PCDH15: variants seen among roughly 807,000 people sequenced by gnomAD.
PCDH15 encodes the protein protocadherin related 15.
PCDH15 carries 129 observed loss-of-function variants against 178.5 expected under a neutral mutation model. The observed-to-expected ratio is 0.72, with a 90% CI of 0.63 to 0.84. The LOEUF (loss-of-function observed/expected upper bound fraction) is 0.84. Ranked by LOEUF, PCDH15 falls within the 40% of genes least tolerant of loss-of-function variation. The pLI, the probability that PCDH15 is intolerant of heterozygous loss-of-function variation, is 0.00. For synonymous variants in PCDH15, 800 were observed against 732.0 expected (o/e 1.09, Z -1.50); for missense variants, 2,230 against 2,099.9 (o/e 1.06, Z -1.21).
At chr10:54,052,915 AG>A (rs1282988547) in intron 18 of PCDH15, among the ~76,000 whole-genome samples, 2 of 152,182 alleles carry the variant, frequency 1.3e-5, no homozygotes, top group Non-Finnish European at 2.9e-5. Context: ...TGGTTTTCTA[AG>A]GAGCTTTTCC....
intron 2 of PCDH15, among the ~76,000 whole-genome samples, chr10:54,551,740 A>C (rs2086641693): frequency 6.6e-6 from 1 of 152,006 alleles, no homozygotes; most frequent in Non-Finnish European, 1.5e-5. Flanking sequence ...TCATCTCTAA[A>C]TTTAGGAATC....
intron 1 of PCDH15, among the ~76,000 whole-genome samples, chr10:54,681,674 A>G (rs972780279): frequency 1.3e-5 from 2 of 152,100 alleles, no homozygotes; most frequent in South Asian, 2.1e-4. Flanking sequence ...AAGAAAATAG[A>G]GTTCATATAA....
chr10:54,778,542 C>T (rs1949948192), intron 1 of PCDH15, among the ~76,000 whole-genome samples: 1 of 152,040 alleles, frequency 6.6e-6, no homozygotes, highest in Admixed American at 6.6e-5. Flanking sequence ...AGTCAGGTTT[C>T]ATTTAATTTA....
intron 15 of PCDH15, among the ~76,000 whole-genome samples, chr10:54,127,092 A>G: frequency 6.6e-6 from 1 of 152,176 alleles, no homozygotes; most frequent in East Asian, 1.9e-4. Flanking sequence ...CATAAATAAG[A>G]AAGTAGCAGC....
intron 8 of PCDH15, among the ~76,000 whole-genome samples, chr10:54,271,786 G>A (rs1207185551): frequency 1.3e-5 from 2 of 151,776 alleles, no homozygotes; most frequent in Non-Finnish European, 2.9e-5. Flanking sequence ...AAACCTAACT[G>A]GAAGGGATAA....
At chr10:54,375,625 T>G (rs910644828) in intron 4 of PCDH15, among the ~76,000 whole-genome samples, 1 of 151,372 alleles carries the variant, frequency 6.6e-6, no homozygotes, top group Admixed American at 6.6e-5. Context: ...CAGTGGAAAA[T>G]TTTCTATAAA....
chr10:54,991,109 A>G (rs932668319), intron 2 of PCDH15, among the ~76,000 whole-genome samples: 7 of 152,156 alleles, frequency 4.6e-5, no homozygotes, highest in African/African-American at 9.6e-5. Flanking sequence ...ATTGGACATG[A>G]TTTTGAAAGA....
chr10:54,818,952 C>T (rs796615307), intron 3 of PCDH15, among the ~76,000 whole-genome samples: 3 of 151,772 alleles, frequency 2.0e-5, no homozygotes, highest in Admixed American at 6.6e-5. Flanking sequence ...AGAGACAGGG[C>T]GTCATTTTGT....
intron 2 of PCDH15, among the ~76,000 whole-genome samples, chr10:55,145,318 C>G (rs1385616559): frequency 6.6e-6 from 1 of 151,918 alleles, no homozygotes; most frequent in Non-Finnish European, 1.5e-5. Flanking sequence ...ACAGGCTATG[C>G]TCAGAAAGAA....
intron 2 of PCDH15, among the ~76,000 whole-genome samples, chr10:55,411,000 CTATTT>C (rs568792665): frequency 1.1e-3 from 160 of 151,930 alleles, no homozygotes; most frequent in Admixed American, 3.4e-3. Flanking sequence ...TGAATACTTA[CTATTT>C]TATAAGCAAT....
In PCDH15 at chr10:54,500,767, T is replaced by G. The variant is rs192231744; in HGVS notation, c.157+27045A>C. Among the ~76,000 whole-genome samples the G allele has an allele frequency of 2.0e-5, 3 of 152,012 alleles. No individual in the cohort carries two copies. In the East Asian group the frequency reaches 5.8e-4, roughly 30 times the overall value. On this transcript the variant is annotated intron_variant, in intron 3 of 37. Coordinates refer to ENST00000644397, the MANE Select transcript of PCDH15 (RefSeq NM_001384140.1). ...ATCACTTGAACCCAGGCAAGAGAGG[T>G]TGCTGAGATCATGCCACTGCACTCC... is the stretch of plus-strand genomic sequence containing the variant.
At chr10:54,621,469 C>T (rs1406428379) in intron 2 of PCDH15, among the ~76,000 whole-genome samples, 1 of 151,868 alleles carries the variant, frequency 6.6e-6, no homozygotes, top group Non-Finnish European at 1.5e-5. Flanking sequence ...CTTGGAGTCC[C>T]GTTGTTCTGA....
intron 2 of PCDH15, among the ~76,000 whole-genome samples, chr10:55,422,829 G>A (rs1026938865): frequency 2.6e-5 from 4 of 151,778 alleles, no homozygotes; most frequent in Admixed American, 6.6e-5. Flanking sequence ...ACATTAATAA[G>A]TTTATTTTAT....
chr10:54,094,533 G>A (rs181177292), intron 15 of PCDH15, among the ~76,000 whole-genome samples: 78 of 152,230 alleles, frequency 5.1e-4, no homozygotes, highest in Admixed American at 1.2e-3. Flanking sequence ...GGCCTGGTGA[G>A]TTTCAAGAAC....
intron 16 of PCDH15, among the ~76,000 whole-genome samples, chr10:54,088,137 G>A (rs548858357): frequency 2.6e-5 from 4 of 152,156 alleles, no homozygotes; most frequent in South Asian, 2.1e-4. Flanking sequence ...GTGCAAAAAC[G>A]AACTCACACA....
intron 13 of PCDH15, among the ~76,000 whole-genome samples, chr10:54,169,770 A>T (rs1335429694): frequency 1.1e-4 from 17 of 152,080 alleles, no homozygotes; most frequent in African/African-American, 4.1e-4. Context: ...CGCTTTAAAA[A>T]GATTAAAGCC....
intron 2 of PCDH15, among the ~76,000 whole-genome samples, chr10:55,616,141 T>G (rs985595031): frequency 6.6e-6 from 1 of 152,130 alleles, no homozygotes; most frequent in Non-Finnish European, 1.5e-5. Context: ...TTTTCCACAT[T>G]TTTAAAGAAA....
intron 27 of PCDH15, among the ~76,000 whole-genome samples, chr10:53,858,174 A>C (rs2078879663): frequency 6.6e-6 from 1 of 152,194 alleles, no homozygotes; most frequent in Admixed American, 6.6e-5. Context: ...CTATTAAAAT[A>C]TAAATGCATT....
intron 13 of PCDH15, among the ~76,000 whole-genome samples, chr10:54,173,759 C>G (rs1364571051): frequency 6.6e-6 from 1 of 151,948 alleles, no homozygotes; most frequent in East Asian, 1.9e-4. Context: ...TAATTTTATT[C>G]CATTTGAGCC....
Sources: allele counts gnomAD v4.1 joint callset (sites outside exome capture counted in the v4.1 genomes callset), GRCh38; gene constraint gnomAD v4.1.1; transcripts MANE v1.5; gene names NCBI Gene and HGNC (gene_info 2026-07-23, HGNC 2026-07-21).